FRYL: variants seen among roughly 807,000 people sequenced by gnomAD.
FRYL encodes the protein FRY like transcription coactivator, also known as protein furry homolog-like.
In FRYL, 150 loss-of-function variants were observed where a neutral mutation model predicts 351.2. The ratio of observed to expected loss-of-function variants is 0.43; its 90% CI spans 0.37 to 0.49. The LOEUF (loss-of-function observed/expected upper bound fraction) is 0.49, where lower values mean the gene tolerates loss of function less well. Among genes scored for constraint, FRYL ranks in the 20% least tolerant of loss-of-function variants. FRYL has a pLI of 0.00. For synonymous variants in FRYL, 1,153 were observed against 1,257.1 expected, an observed-to-expected ratio of 0.92 and a Z score of 1.75; for missense variants, 3,036 against 3,619.3, an observed-to-expected ratio of 0.84 and a Z score of 4.13.
chr4:48,706,587 G>C (rs1465021458), intron 2 of FRYL, among the ~76,000 whole-genome samples: 1 of 152,206 alleles, frequency 6.6e-6, no homozygotes, highest in East Asian at 1.9e-4. Flanking sequence ...ACAACAATGT[G>C]AATGTATGTA....
At chr4:48,566,033 A>G (rs1385184671) in intron 28 of FRYL, among the ~76,000 whole-genome samples, 1 of 152,248 alleles carries the variant, frequency 6.6e-6, no homozygotes, top group Non-Finnish European at 1.5e-5. Context: ...AGATTGGCCA[A>G]GATTTTAACA....
At position 48,510,106 on chromosome 4, in the gene FRYL, G is replaced by C. The variant is rs1722160812; in HGVS notation, c.8347C>G (p.Gln2783Glu). ...ACATTGTATGTATCCAGGTGTTCTT[G>C]CAACTCCAAAACACCAAACTTGAGT... ...ETLKFGVLEL[Q>E]EHLDTYNVKR... Residue 2783 changes from glutamine (Q) to glutamate (E), a missense_variant, in exon 59 of 64, where the codon CAA becomes GAA. Gln to Glu is a conservative substitution (Grantham distance 29). Transcript: ENST00000358350. 3 of 1,613,594 alleles carry C rather than the reference G, an allele frequency of 1.9e-6. No homozygotes were observed. Among genetic ancestry groups the C allele is most frequent in the Non-Finnish European group, 2.5e-6 (3 of 1,179,638 alleles).
At chr4:48,675,351 G>C (rs542102645) in intron 3 of FRYL, among the ~76,000 whole-genome samples, 2 of 152,214 alleles carry the variant, frequency 1.3e-5, no homozygotes, top group African/African-American at 2.4e-5. Context: ...GGAGAGGCGC[G>C]AGCGGAAACC....
At chr4:48,647,710 A>G (rs1337567301) in intron 3 of FRYL, among the ~76,000 whole-genome samples, 2 of 152,188 alleles carry the variant, frequency 1.3e-5, no homozygotes, top group Non-Finnish European at 2.9e-5. Flanking sequence ...TCTAAATCCA[A>G]TGACACCTGG....
intron 6 of FRYL, among the ~76,000 whole-genome samples, chr4:48,619,794 G>T (rs1185337968): frequency 1.3e-5 from 2 of 152,096 alleles, no homozygotes; most frequent in Admixed American, 6.5e-5. Flanking sequence ...CACAGTGCCT[G>T]GTCTGAAGCT....
chr4:48,497,359 G>C lies in FRYL; in HGVS notation c.*2063C>G, dbSNP rs1718678670. ...ATCCTAATGAATTTGTTTGCATCTT[G>C]CTTGCTGCAGGTATATTCATTTTTA... On this transcript the variant is annotated 3_prime_UTR_variant, in exon 64 of 64. Coordinates refer to ENST00000358350, the MANE Select transcript of FRYL (RefSeq NM_015030.2). The C allele has an allele frequency of 6.6e-6, 1 of 152,218 alleles. No individual in the cohort carries two copies. The highest frequency in any genetic ancestry group is 2.4e-5 in the African/African-American group (1 of 41,446). The allele number at this position is 152,218 out of a possible 1,614,324, so 9.4% of individuals were successfully genotyped here.
At chr4:48,620,423 T>A (rs150587110) in intron 6 of FRYL, among the ~76,000 whole-genome samples, 26 of 152,346 alleles carry the variant, frequency 1.7e-4, no homozygotes, top group African/African-American at 5.8e-4. Flanking sequence ...ATACCCAGTA[T>A]GAGTACTGTA....
chr4:48,550,697 G>A lies in FRYL; in HGVS notation c.4528C>T (p.His1510Tyr). The A allele has an allele frequency of 6.2e-7, 1 of 1,607,668 alleles. No homozygotes were observed. Among genetic ancestry groups the A allele is most frequent in the South Asian group, 1.1e-5 (1 of 90,944 alleles). ...TTTAGTCCACTGTAAATGTCCAGGT[G>A]CACATAGCTATGGGAATGATCACTG... ...IKENIEESYV[H>Y]LDIYSGLNSH... The change falls in exon 38 of 64, where the codon CAC (histidine) becomes TAC (tyrosine). Residue 1510 changes from histidine (H) to tyrosine (Y), a missense_variant. Around this residue, in one of 7 missense-constraint regions of FRYL, gnomAD observed 1,987 missense variants for 2,311.7 expected, o/e 0.86. Coordinates refer to ENST00000358350, the MANE Select transcript of FRYL (RefSeq NM_015030.2).
At chr4:48,743,108 C>T (rs1772299790) in intron 1 of FRYL, among the ~76,000 whole-genome samples, 1 of 151,568 alleles carries the variant, frequency 6.6e-6, no homozygotes, top group Non-Finnish European at 1.5e-5. Context: ...TGTGAGCCAC[C>T]ACACTCAGAC....
intron 55 of FRYL, chr4:48,520,439 G>C (rs1359857097): frequency 6.6e-6 from 1 of 151,620 alleles, no homozygotes; most frequent in Non-Finnish European, 1.5e-5. Flanking sequence ...ATTTACCAAG[G>C]AATAAAAAAA....
At chr4:48,604,136 C>T (rs543687929) in intron 11 of FRYL, among the ~76,000 whole-genome samples, 11 of 152,280 alleles carry the variant, frequency 7.2e-5, no homozygotes, top group South Asian at 4.1e-4. Flanking sequence ...TTAAAATCTA[C>T]GGTACTAGGG....
rs541728057 is a variant in FRYL, at chr4:48,666,315, C to T, written c.-81+18358G>A. ...CCGGGAGGTGGAGGTTGCAGTGAGC[C>T]GAGACCACGCCACTGCACTCCAGCC... On this transcript the variant is annotated intron_variant, in intron 3 of 63. Transcript: ENST00000358350. Among the ~76,000 whole-genome samples the T allele has an allele frequency of 2.3e-4, 35 of 151,920 alleles. 1 individual carries two copies. In the East Asian group the frequency reaches 4.5e-3, roughly 19 times the overall value.
At chr4:48,596,490 G>C (rs201932521) in intron 13 of FRYL, among the ~76,000 whole-genome samples, 1 of 152,090 alleles carries the variant, frequency 6.6e-6, no homozygotes, top group East Asian at 1.9e-4. Flanking sequence ...AGGGAGTTAA[G>C]AGCGTGGACT....
chr4:48,646,847 G>C (rs1756578362), intron 3 of FRYL, among the ~76,000 whole-genome samples: 1 of 152,124 alleles, frequency 6.6e-6, no homozygotes, highest in Admixed American at 6.6e-5. Flanking sequence ...GGCAGAAGAT[G>C]GTACCTAGAG....
Position 48,546,176 on chromosome 4 carries a change from T to A in FRYL, c.5170A>T (p.Asn1724Tyr). The change falls in exon 42 of 64, where the codon AAT (asparagine) becomes TAT (tyrosine). Residue 1724 changes from asparagine to tyrosine, a missense_variant. Asn to Tyr is a moderately radical substitution (Grantham distance 143). Around this residue, in one of 7 missense-constraint regions of FRYL, gnomAD observed 1,987 missense variants for 2,311.7 expected, o/e 0.86. Transcript: ENST00000358350. ...SSTSSSISLG[N>Y]NSAAISHLHT... ...AGATGTGAAATGGCAGCACTGTTAT[T>A]TCCTAAGCTGATACTAGAAGAGGTA... is the stretch of plus-strand genomic sequence containing the variant. The A allele has an allele frequency of 1.9e-6, 3 of 1,613,766 alleles. No individual in the cohort carries two copies. The highest frequency in any genetic ancestry group is 2.5e-6 in the Non-Finnish European group (3 of 1,179,828).
intron 9 of FRYL, among the ~76,000 whole-genome samples, chr4:48,608,782 C>G (rs1747393048): frequency 1.3e-5 from 2 of 151,962 alleles, no homozygotes; most frequent in Non-Finnish European, 2.9e-5. Context: ...TAGAAAACCC[C>G]AAATAAAATT....
intron 13 of FRYL, among the ~76,000 whole-genome samples, chr4:48,598,208 TAAAACAA>T (rs1383708255): frequency 6.6e-6 from 1 of 152,016 alleles, no homozygotes; most frequent in African/African-American, 2.4e-5. Flanking sequence ...CTGAAAAAAT[TAAAACAA>T]AAAACAAAAA....
At chr4:48,739,396 G>A (rs1411945361) in intron 1 of FRYL, among the ~76,000 whole-genome samples, 4 of 103,706 alleles carry the variant, frequency 3.9e-5, no homozygotes, top group Non-Finnish European at 5.9e-5. Flanking sequence ...GCAAGACTCC[G>A]TCTCAAAAAA....
rs546449606 is a variant in FRYL, at chr4:48,556,023, T to C, written c.4266+955A>G. On this transcript the variant is annotated intron_variant, in intron 35 of 63. Transcript: ENST00000358350. The stretch of plus-strand genomic sequence containing the variant: ...AATTCTCCTGCCTCAGCCTCCTGAG[T>C]AGCTGGGATTACAGGCATGCGCCAC... Among the ~76,000 whole-genome samples the C allele has an allele frequency of 2.6e-5, 4 of 152,262 alleles. No homozygotes were observed. In the South Asian group the frequency reaches 8.3e-4, roughly 32 times the overall value.
Sources: gnomAD v4.1 joint callset for allele counts (sites outside exome capture counted in the v4.1 genomes callset) on GRCh38, gnomAD v4.1.1 for gene constraint, gnomAD v4.1.1 regional missense constraint, MANE v1.5 for transcripts, NCBI Gene and HGNC (gene_info 2026-07-23, HGNC 2026-07-21) for gene names.